The following AMOTL1 variants were observed in gnomAD, a reference collection of about 807,000 sequenced individuals.
AMOTL1 encodes angiomotin-like protein 1.
In AMOTL1, 45 loss-of-function variants were observed where a neutral mutation model predicts 102.9. The ratio of observed to expected loss-of-function variants is 0.44; its 90% CI spans 0.34 to 0.56. AMOTL1 has a LOEUF of 0.56. Ranked by LOEUF, AMOTL1 falls within the 20% of genes least tolerant of loss-of-function variation. The probability of loss-of-function intolerance (pLI) is 0.01; values close to 1 mark genes in which losing one functional copy is unlikely to be tolerated. For synonymous variants in AMOTL1, 481 were observed against 484.7 expected (o/e 0.99, Z 0.10); for missense variants, 1,114 against 1,225.6 (o/e 0.91, Z 1.36).
intron 3 of AMOTL1, among the ~76,000 whole-genome samples, chr11:94,815,336 A>G (rs925288138): frequency 2.6e-5 from 4 of 151,720 alleles, no homozygotes; most frequent in Non-Finnish European, 5.9e-5. Flanking sequence ...ATCCTGAGTT[A>G]TTGGCAAAAA....
At chr11:94,779,408 AT>A (rs1382315600) in intron 1 of AMOTL1, among the ~76,000 whole-genome samples, 2 of 152,190 alleles carry the variant, frequency 1.3e-5, no homozygotes, top group African/African-American at 2.4e-5. Flanking sequence ...GGAGAGGCAT[AT>A]AGATAATACA....
chr11:94,860,700 A>C (rs1468451792), intron 9 of AMOTL1, among the ~76,000 whole-genome samples: 1 of 152,188 alleles, frequency 6.6e-6, no homozygotes, highest in East Asian at 1.9e-4. Context: ...ATTCAGGATA[A>C]ATTTATGTGG....
chr11:94,720,665 C>G (rs1417600011), intron 1 of AMOTL1, among the ~76,000 whole-genome samples: 1 of 152,102 alleles, frequency 6.6e-6, no homozygotes, highest in African/African-American at 2.4e-5. Context: ...TGGTGCTTCT[C>G]CCTATCTGCT....
chr11:94,752,850 TG>T (rs774170455), intron 3 of AMOTL1, among the ~76,000 whole-genome samples: 2 of 151,800 alleles, frequency 1.3e-5, no homozygotes, highest in Non-Finnish European at 2.9e-5. Flanking sequence ...GCCGGTGGGG[TG>T]GGGTACAATA....
chr11:94,786,999 A>G (rs939187751), intron 1 of AMOTL1, among the ~76,000 whole-genome samples: 3 of 152,126 alleles, frequency 2.0e-5, no homozygotes, highest in Non-Finnish European at 4.4e-5. Flanking sequence ...TGGAGATACA[A>G]AGGTGAATAA....
intron 2 of AMOTL1, among the ~76,000 whole-genome samples, chr11:94,796,480 C>G (rs1035057948): frequency 2.0e-5 from 3 of 152,030 alleles, no homozygotes; most frequent in African/African-American, 7.2e-5. Flanking sequence ...CAGAGGAAGA[C>G]AGGTCATAAT....
intron 3 of AMOTL1, among the ~76,000 whole-genome samples, chr11:94,754,180 G>A (rs1015468480): frequency 3.9e-5 from 6 of 152,138 alleles, no homozygotes; most frequent in Admixed American, 1.3e-4. Context: ...GTTATTATAT[G>A]GTGACTGCAA....
At chr11:94,821,434 C>T in intron 3 of AMOTL1, 96 bp from the exon 4 acceptor site, 2 of 1,316,164 alleles carry the variant, frequency 1.5e-6, no homozygotes, top group Non-Finnish European at 2.1e-6. Context: ...TGGCCTCTGA[C>T]CATGGAAGCC....
chr11:94,749,548 G>A (rs535777364), intron 3 of AMOTL1, among the ~76,000 whole-genome samples: 4 of 152,274 alleles, frequency 2.6e-5, no homozygotes, highest in South Asian at 4.2e-4. Flanking sequence ...AACCATCACA[G>A]GGATGGTAGC....
intron 6 of AMOTL1, among the ~76,000 whole-genome samples, chr11:94,838,233 G>A (rs1381582563): frequency 6.6e-6 from 1 of 152,296 alleles, no homozygotes; most frequent in South Asian, 2.1e-4. Flanking sequence ...CTTCACATTG[G>A]AGTCCCAACT....
At chr11:94,779,137 C>G (rs921444047) in intron 1 of AMOTL1, among the ~76,000 whole-genome samples, 3 of 152,272 alleles carry the variant, frequency 2.0e-5, no homozygotes, top group Non-Finnish European at 4.4e-5. Flanking sequence ...CAGTCATCAT[C>G]ATTATCATGT....
At chr11:94,781,828 C>CG (rs1241915082) in intron 1 of AMOTL1, among the ~76,000 whole-genome samples, 1 of 150,166 alleles carries the variant, frequency 6.7e-6, no homozygotes, top group African/African-American at 2.5e-5. Context: ...AGCGAGACTC[C>CG]GTCTCAAAAA....
intron 7 of AMOTL1, among the ~76,000 whole-genome samples, chr11:94,853,248 G>T (rs746108784): frequency 6.6e-5 from 10 of 152,182 alleles, no homozygotes; most frequent in South Asian, 4.2e-4. Flanking sequence ...CCATCATCCA[G>T]GTTTTAAGCC....
intron 1 of AMOTL1, among the ~76,000 whole-genome samples, chr11:94,786,805 T>C (rs1951196686): frequency 6.6e-6 from 1 of 152,218 alleles, no homozygotes; most frequent in African/African-American, 2.4e-5. Context: ...CTAAGCTCTG[T>C]AGTAAGAACA....
intron 6 of AMOTL1, among the ~76,000 whole-genome samples, chr11:94,844,736 C>T (rs1262501955): frequency 6.6e-6 from 1 of 152,144 alleles, no homozygotes; most frequent in Non-Finnish European, 1.5e-5. Flanking sequence ...GCCTAATCAC[C>T]TCTTAAAGGC....
At chr11:94,749,859 G>A (rs562346387) in intron 3 of AMOTL1, among the ~76,000 whole-genome samples, 14 of 152,300 alleles carry the variant, frequency 9.2e-5, no homozygotes, top group Admixed American at 7.8e-4. Flanking sequence ...TGGCATATAA[G>A]TTAAATAATA....
chr11:94,772,980 CTTTT>C (rs1482755564), intron 1 of AMOTL1, among the ~76,000 whole-genome samples: 1 of 152,154 alleles, frequency 6.6e-6, no homozygotes, highest in African/African-American at 2.4e-5. Context: ...TAATGTCTGT[CTTTT>C]TTATGTGCTT....
At chr11:94,708,942 A>G (rs1357044448) in intron 1 of AMOTL1, among the ~76,000 whole-genome samples, 1 of 152,204 alleles carries the variant, frequency 6.6e-6, no homozygotes, top group African/African-American at 2.4e-5. Context: ...ATAGATCTAT[A>G]TCAAGCAGTT....
At chr11:94,744,542 C>T (rs966318742) in intron 3 of AMOTL1, among the ~76,000 whole-genome samples, 6 of 152,150 alleles carry the variant, frequency 3.9e-5, no homozygotes, top group Non-Finnish European at 8.8e-5. Flanking sequence ...CTTTCCCCTC[C>T]CCAGAGGTCA....
Sources: gnomAD v4.1 joint callset for allele counts (sites outside exome capture counted in the v4.1 genomes callset) on GRCh38, gnomAD v4.1.1 for gene constraint, MANE v1.5 for transcripts, NCBI Gene and HGNC (gene_info 2026-07-23, HGNC 2026-07-21) for gene names.